Variants in THSD4 observed in about 807,000 individuals in gnomAD.
The protein encoded by THSD4 is thrombospondin type 1 domain containing 4.
THSD4 carries 69 observed loss-of-function variants against 119.0 expected under a neutral mutation model. The observed-to-expected ratio is 0.58, with a 90% confidence interval of 0.48 to 0.71. THSD4 has a LOEUF of 0.71. Among genes scored for constraint, THSD4 ranks in the 30% least tolerant of loss-of-function variants. THSD4 has a pLI of 0.00. For synonymous variants in THSD4, 524 were observed against 540.4 expected (o/e 0.97, Z 0.42); for missense variants, 1,393 against 1,391.1 (o/e 1.00, Z -0.02).
At position 71,470,849 on chromosome 15, in the gene THSD4, A is replaced by T. The variant is rs1000302481; in HGVS notation, c.1152+59026A>T. On this transcript the variant is annotated intron_variant, in intron 7 of 17. Transcript: ENST00000261862. ...ACGGGGTTTCACCTTGTTAGCCAGG[A>T]TGGTCTTGATCTCCTGACCTCATGA... Among the ~76,000 whole-genome samples the T allele has an allele frequency of 2.0e-5, 3 of 151,780 alleles. No homozygotes were observed. In the East Asian group the frequency reaches 5.8e-4, roughly 29 times the overall value.
intron 6 of THSD4, among the ~76,000 whole-genome samples, chr15:71,265,243 A>G: frequency 6.6e-6 from 1 of 152,040 alleles, no homozygotes; most frequent in Middle Eastern, 3.2e-3. Context: ...TGCATTTCCA[A>G]CTGAGGTACC....
At chr15:71,190,306 T>G (rs901955240) in intron 3 of THSD4, among the ~76,000 whole-genome samples, 1 of 152,192 alleles carries the variant, frequency 6.6e-6, no homozygotes, top group Non-Finnish European at 1.5e-5. Context: ...CCTTAATTGT[T>G]CATGAGAGGG....
chr15:71,217,842 A>T (rs116745049), intron 4 of THSD4, among the ~76,000 whole-genome samples: 5,139 of 141,400 alleles, frequency 0.036, 331 homozygotes, highest in African/African-American at 0.13. Context: ...GCTAGAGTGC[A>T]GTGGTACCAT....
chr15:71,307,661 TG>T (rs2140345522), intron 6 of THSD4, among the ~76,000 whole-genome samples: 1 of 152,122 alleles, frequency 6.6e-6, no homozygotes, highest in Non-Finnish European at 1.5e-5. Flanking sequence ...CCCAGCTACT[TG>T]GGAGGCTGAG....
intron 6 of THSD4, among the ~76,000 whole-genome samples, chr15:71,331,044 C>G (rs1451835705): frequency 6.6e-6 from 1 of 152,194 alleles, no homozygotes; most frequent in East Asian, 1.9e-4. Context: ...GAGCTCATTT[C>G]TCCTGCGCTC....
chr15:71,768,870 G>A (rs1166958806), intron 16 of THSD4, among the ~76,000 whole-genome samples: 4 of 140,952 alleles, frequency 2.8e-5, no homozygotes, highest in South Asian at 4.6e-4. Flanking sequence ...GAGCCACTGC[G>A]CCCAGCAATC....
intron 6 of THSD4, among the ~76,000 whole-genome samples, chr15:71,377,719 A>G (rs758466350): frequency 6.6e-6 from 1 of 152,108 alleles, no homozygotes; most frequent in Non-Finnish European, 1.5e-5. Flanking sequence ...CTAACCGTGT[A>G]TCTCCAGGGA....
chr15:71,526,459 T>C (rs1044507555), intron 7 of THSD4, among the ~76,000 whole-genome samples: 1 of 152,176 alleles, frequency 6.6e-6, no homozygotes, highest in African/African-American at 2.4e-5. Flanking sequence ...GCAGTTTTAT[T>C]GTGCTGTCTT....
At chr15:71,372,228 CCTT>C (rs1196708101) in intron 6 of THSD4, among the ~76,000 whole-genome samples, 1 of 152,138 alleles carries the variant, frequency 6.6e-6, no homozygotes. Flanking sequence ...GTTCGAACTT[CCTT>C]CTTTAGTTCA....
chr15:71,522,443 G>C (rs1360875658), intron 7 of THSD4, among the ~76,000 whole-genome samples: 3 of 152,182 alleles, frequency 2.0e-5, no homozygotes, highest in African/African-American at 7.2e-5. Flanking sequence ...GCTTCTCTCT[G>C]AAGGTATGGG....
Position 71,256,734 on chromosome 15 carries a change from C to T in THSD4, c.1015+19C>T. ...GCAGAAGGTAAGAATAGACCCAGCC[C>T]TGTCCATAGAAGTTACTTTAGTCTG... On this transcript the variant is annotated intron_variant, in intron 6 of 17. Transcript: ENST00000261862. 1 of 1,602,496 alleles carries T rather than the reference C, an allele frequency of 6.2e-7. No individual in the cohort carries two copies. Among genetic ancestry groups the T allele is most frequent in the Non-Finnish European group, 8.5e-7 (1 of 1,171,258 alleles).
Position 71,395,918 on chromosome 15 carries a change from C to CAT in THSD4, c.1016-15768_1016-15767insTA, listed in dbSNP as rs2046446365. ...CTTCTCAGTGTTTTGAAGAGAGACA[C>CAT]ACACACACACACACACACACACACA... On this transcript the variant is annotated intron_variant, in intron 6 of 17. Coordinates refer to ENST00000261862, the MANE Select transcript of THSD4 (RefSeq NM_024817.3). Among the ~76,000 whole-genome samples, 3 of 129,098 alleles carry CAT rather than the reference C, an allele frequency of 2.3e-5. No individual in the cohort carries two copies. The South Asian group carries it at 6.9e-4, about 30-fold the overall frequency. The allele number at this position is 129,098 out of a possible 152,430, so 84.7% of individuals were successfully genotyped here. A position where few individuals can be genotyped will look rare whatever the true frequency, so the allele number is the denominator to read the frequency against.
intron 3 of THSD4, among the ~76,000 whole-genome samples, chr15:71,171,728 A>G (rs1000878892): frequency 6.6e-6 from 1 of 152,226 alleles, no homozygotes; most frequent in Non-Finnish European, 1.5e-5. Flanking sequence ...GTATGACAGT[A>G]ATAGTATAAA....
chr15:71,676,565 C>T (rs1257979199), intron 8 of THSD4, among the ~76,000 whole-genome samples: 3 of 152,160 alleles, frequency 2.0e-5, no homozygotes, highest in African/African-American at 7.2e-5. Flanking sequence ...CAGGTGTGAG[C>T]TACTGCGCCC....
chr15:71,378,108 G>A (rs114509842), intron 6 of THSD4, among the ~76,000 whole-genome samples: 6 of 152,078 alleles, frequency 3.9e-5, no homozygotes, highest in Admixed American at 6.6e-5. Context: ...TAGCATTTAC[G>A]TTGTAGATAT....
chr15:71,472,062 G>A (rs1377680960), intron 7 of THSD4, among the ~76,000 whole-genome samples: 1 of 152,064 alleles, frequency 6.6e-6, no homozygotes, highest in Non-Finnish European at 1.5e-5. Context: ...CCACAGGCAT[G>A]CACCACCATG....
At chr15:71,128,293 G>A (rs568911935) in intron 1 of THSD4, among the ~76,000 whole-genome samples, 3 of 152,054 alleles carry the variant, frequency 2.0e-5, no homozygotes, top group East Asian at 1.9e-4. Flanking sequence ...TTGGGAGGCC[G>A]AGGTGGGTAG....
At chr15:71,353,856 C>T (rs564598963) in intron 6 of THSD4, among the ~76,000 whole-genome samples, 39 of 152,314 alleles carry the variant, frequency 2.6e-4, no homozygotes, top group African/African-American at 9.1e-4. Context: ...CTTTGGTTCC[C>T]TCCTCTCTAA....
intron 4 of THSD4, among the ~76,000 whole-genome samples, chr15:71,216,554 T>G (rs1225089465): frequency 6.6e-6 from 1 of 152,208 alleles, no homozygotes; most frequent in African/African-American, 2.4e-5. Context: ...AGAAGGGTTC[T>G]TCAGCTGAAT....
Sources: allele counts gnomAD v4.1 joint callset (sites outside exome capture counted in the v4.1 genomes callset), GRCh38; gene constraint gnomAD v4.1.1; transcripts MANE v1.5; gene names NCBI Gene and HGNC (gene_info 2026-07-23, HGNC 2026-07-21).